The following ZSWIM5 variants were observed in gnomAD, a reference collection of about 807,000 sequenced individuals.
ZSWIM5 encodes zinc finger SWIM domain-containing protein 5.
In ZSWIM5, 55 loss-of-function variants were observed where a neutral mutation model predicts 119.6. That is an observed-to-expected ratio of 0.46 (90% confidence interval 0.37 to 0.58). ZSWIM5 has a LOEUF of 0.58. Among genes scored for constraint, ZSWIM5 ranks in the 20% least tolerant of loss-of-function variants. The pLI, the probability that ZSWIM5 is intolerant of heterozygous loss-of-function variation, is 0.00. For synonymous variants in ZSWIM5, 537 were observed against 606.9 expected, an observed-to-expected ratio of 0.88 and a Z score of 1.69; for missense variants, 1,193 against 1,512.8, an observed-to-expected ratio of 0.79 and a Z score of 3.51.
Position 45,019,407 on chromosome 1 carries a change from A to G in ZSWIM5, c.2696-91T>C, listed in dbSNP as rs985563133. On this transcript the variant is annotated intron_variant, in intron 13 of 13. Transcript: ENST00000359600. The surrounding 1 kb of genome is among the most constrained non-coding windows in gnomAD (Gnocchi z 5.0). ...CATTTGGGGTTTGAACTTGGCCTGC[A>G]GAGATGAATTCTTCCTCCTCAGCAA... The G allele has an allele frequency of 6.7e-7, 1 of 1,491,774 alleles. No individual in the cohort carries two copies. Among genetic ancestry groups the G allele is most frequent in the Non-Finnish European group, 8.9e-7 (1 of 1,119,800 alleles). 92.4% of individuals were successfully genotyped at this position (1,491,774 alleles called of 1,614,324 possible).
chr1:45,073,477 T>C (rs963932893), intron 2 of ZSWIM5, among the ~76,000 whole-genome samples: 4 of 151,584 alleles, frequency 2.6e-5, no homozygotes, highest in Non-Finnish European at 5.9e-5. Context: ...CAGGCTTGTC[T>C]CAAACTCCTG....
intron 1 of ZSWIM5, among the ~76,000 whole-genome samples, chr1:45,175,486 G>A (rs1645974590): frequency 6.6e-6 from 1 of 151,798 alleles, no homozygotes; most frequent in Non-Finnish European, 1.5e-5. Context: ...GTTTCATTCT[G>A]TCGCCCAAGC....
At chr1:45,182,436 A>G (rs2149049446) in intron 1 of ZSWIM5, among the ~76,000 whole-genome samples, 1 of 151,614 alleles carries the variant, frequency 6.6e-6, no homozygotes, top group Admixed American at 6.6e-5. Context: ...ACAAACAAAC[A>G]AAAAGACACA....
In ZSWIM5 at chr1:45,036,085, A is replaced by G. The variant is rs201394708; in HGVS notation, c.2109T>C (p.Asp703=). ...LSQLQELQLD[D]ELVQTLQKQC... ...GTTTTTGCAGTGTTTGCACTAGCTC[A>G]TCGTCCAGCTGCAGCTCTTGGAGTT... Residue 703 remains aspartate, a synonymous_variant, in exon 9 of 14, where the codon GAT becomes GAC. Transcript: ENST00000359600. The G allele has an allele frequency of 4.8e-5, 77 of 1,613,468 alleles. No homozygotes were observed. In the African/African-American group the frequency reaches 8.7e-4, roughly 18 times the overall value.
chr1:45,036,160 G>T lies in ZSWIM5; in HGVS notation c.2034C>A (p.Gly678=). The T allele has an allele frequency of 6.2e-7, 1 of 1,614,156 alleles. No homozygotes were observed. Among genetic ancestry groups the T allele is most frequent in the Non-Finnish European group, 8.5e-7 (1 of 1,180,040 alleles). The change falls in exon 9 of 14, where the codon GGC becomes GGA. Residue 678 remains glycine (G), a synonymous_variant. Coordinates refer to ENST00000359600, the MANE Select transcript of ZSWIM5 (RefSeq NM_020883.2). ...GLGQQRLMPE[G]LYAQDKVCRN... Reference sequence around the variant, plus strand: ...GGCATACCTTGTCCTGTGCGTAGAGGCCTTCAGGCATTAACCTCTGTTGAC... The same window carrying T: ...GGCATACCTTGTCCTGTGCGTAGAGTCCTTCAGGCATTAACCTCTGTTGAC...
chr1:45,035,643 C>G (rs778184648), intron 10 of ZSWIM5, 45 bp downstream of exon 10: 2 of 1,604,570 alleles, frequency 1.2e-6, no homozygotes, highest in East Asian at 4.5e-5. Context: ...GCACTGGACA[C>G]TTCTGCTTTG....
rs1372331795 is a variant in ZSWIM5, at chr1:45,072,578, C to A, written c.953-12331G>T. 6.6e-6 allele frequency among the ~76,000 whole-genome samples: 1 copy of A among 151,906 alleles called. No homozygotes were observed. The highest frequency in any genetic ancestry group is 1.9e-4 in the East Asian group (1 of 5,190). ...AGGTCTTAGATTTAAGTCTTTAATC[C>A]ATTTTTATCTGATTTTTGTATATGG... On this transcript the variant is annotated intron_variant, in intron 2 of 13. Coordinates refer to ENST00000359600, the MANE Select transcript of ZSWIM5 (RefSeq NM_020883.2). This position sits in a 1 kb window ranked among gnomAD's most constrained non-coding sequence, Gnocchi z 4.1.
chr1:45,063,179 A>G (rs1645163217), intron 2 of ZSWIM5, among the ~76,000 whole-genome samples: 1 of 152,154 alleles, frequency 6.6e-6, no homozygotes, highest in Non-Finnish European at 1.5e-5. Flanking sequence ...AGCTGCATTG[A>G]ATTCCATGAT....
At chr1:45,099,039 A>G (rs1315511937) in intron 1 of ZSWIM5, among the ~76,000 whole-genome samples, 5 of 152,220 alleles carry the variant, frequency 3.3e-5, no homozygotes, top group Admixed American at 3.3e-4. Flanking sequence ...GGCAAGAAAT[A>G]ACTAAGATCA....
chr1:45,188,451 G>A (rs1237790773), intron 1 of ZSWIM5, among the ~76,000 whole-genome samples: 1 of 152,168 alleles, frequency 6.6e-6, no homozygotes, highest in Non-Finnish European at 1.5e-5. Flanking sequence ...GATTGGATTG[G>A]GGAGTGACAG....
chr1:45,047,365 G>C (rs923245796), intron 5 of ZSWIM5, among the ~76,000 whole-genome samples: 2 of 152,160 alleles, frequency 1.3e-5, no homozygotes, highest in Non-Finnish European at 2.9e-5. Context: ...AGCCTGACTT[G>C]GAGTGAATTC....
intron 2 of ZSWIM5, among the ~76,000 whole-genome samples, chr1:45,081,257 CT>C: frequency 6.6e-6 from 1 of 150,990 alleles, no homozygotes; most frequent in Non-Finnish European, 1.5e-5. Context: ...CCCTCTCCCT[CT>C]CCCTCTCCCT....
Position 45,090,858 on chromosome 1 carries a change from G to T in ZSWIM5, c.596-2621C>A, listed in dbSNP as rs552419937. Among the ~76,000 whole-genome samples the T allele has an allele frequency of 4.6e-5, 7 of 151,530 alleles. 1 individual carries two copies. The South Asian group carries it at 1.5e-3, about 32-fold the overall frequency. On this transcript the variant is annotated intron_variant, in intron 1 of 13. Coordinates refer to ENST00000359600, the MANE Select transcript of ZSWIM5 (RefSeq NM_020883.2). The stretch of plus-strand genomic sequence containing the variant: ...AAGAAAAAAAAAAAGAACTAAAGAA[G>T]AGAACTGTAGGGTTGGGAAGCAGCT...
At chr1:45,078,761 G>A (rs1490031323) in intron 2 of ZSWIM5, among the ~76,000 whole-genome samples, 3 of 152,320 alleles carry the variant, frequency 2.0e-5, no homozygotes, top group East Asian at 1.9e-4. Flanking sequence ...TCTTCAGGAT[G>A]GGGGGTTCCT....
intron 1 of ZSWIM5, among the ~76,000 whole-genome samples, chr1:45,204,426 C>T (rs1222884797): frequency 1.3e-5 from 2 of 152,070 alleles, no homozygotes; most frequent in African/African-American, 4.8e-5. Context: ...AAAGGACTAA[C>T]CTCTTTCAAA....
chr1:45,105,488 A>T (rs1269564779), intron 1 of ZSWIM5, among the ~76,000 whole-genome samples: 14 of 94,530 alleles, frequency 1.5e-4, no homozygotes, highest in South Asian at 3.5e-4. Context: ...GGCCGCCCCG[A>T]ATGGGAAGTG....
intron 1 of ZSWIM5, among the ~76,000 whole-genome samples, chr1:45,132,948 C>A (rs112048648): frequency 0.069 from 10,512 of 152,122 alleles, 458 homozygotes; most frequent in Non-Finnish European, 0.1. Flanking sequence ...TGAACTCATC[C>A]TTTTTTATGG....
chr1:45,026,414 T>C (rs1479238306), intron 11 of ZSWIM5, among the ~76,000 whole-genome samples: 1 of 152,142 alleles, frequency 6.6e-6, no homozygotes, highest in Non-Finnish European at 1.5e-5. Context: ...TAAGGGTTTT[T>C]TTTTTTAAAT....
intron 1 of ZSWIM5, among the ~76,000 whole-genome samples, chr1:45,166,012 A>C (rs1477911651): frequency 6.6e-6 from 1 of 151,976 alleles, no homozygotes; most frequent in African/African-American, 2.4e-5. Context: ...GAGACACAAC[A>C]AAAAAAGAGA....
Sources: allele counts gnomAD v4.1 joint callset (sites outside exome capture counted in the v4.1 genomes callset), GRCh38; gene constraint gnomAD v4.1.1; non-coding constraint Gnocchi (gnomAD v3.1); transcripts MANE v1.5; gene names NCBI Gene and HGNC (gene_info 2026-07-23, HGNC 2026-07-21).